The following ULK2 variants were observed in gnomAD, a reference collection of about 807,000 sequenced individuals.
ULK2 encodes serine/threonine-protein kinase ULK2.
ULK2 carries 76 observed loss-of-function variants against 127.5 expected under a neutral mutation model. The observed-to-expected ratio is 0.60, with a 90% CI of 0.50 to 0.72. ULK2 has a LOEUF of 0.72. ULK2 is among the 30% of genes least tolerant of loss of function. ULK2 has a pLI of 0.00. For missense variants in ULK2, 1,144 were observed against 1,295.9 expected, an observed-to-expected ratio of 0.88 and a Z score of 1.80; for synonymous variants, 452 against 461.9, an observed-to-expected ratio of 0.98 and a Z score of 0.28.
At chr17:19,795,765 A>G (rs2087255549) in intron 19 of ULK2, 40 bp from the exon 20 acceptor site, 2 of 1,563,284 alleles carry the variant, frequency 1.3e-6, no homozygotes, top group Non-Finnish European at 8.8e-7. Flanking sequence ...GGAAAAGTAT[A>G]CTTTTTAAAA....
chr17:19,865,670 G>A (rs1219584607), intron 2 of ULK2, 66 bp downstream of exon 2: 1 of 942,822 alleles, frequency 1.1e-6, no homozygotes, highest in Non-Finnish European at 1.5e-6. Flanking sequence ...TGAAAAGGAT[G>A]GCAGCATGTA....
At chr17:19,861,445 T>C (rs2042240610) in intron 3 of ULK2, among the ~76,000 whole-genome samples, 1 of 151,920 alleles carries the variant, frequency 6.6e-6, no homozygotes, top group South Asian at 2.1e-4. Flanking sequence ...CTCTGGAGGC[T>C]GAGGCAGGAG....
chr17:19,814,436 A>ATTTTTTTTTTTTTT (rs1567696524), intron 13 of ULK2, among the ~76,000 whole-genome samples: 2 of 24,074 alleles, frequency 8.3e-5, no homozygotes, highest in Admixed American at 5.7e-4. Context: ...ATATATATAT[A>ATTTTTTTTTTTTTT]TATTTTTTTT....
chr17:19,828,130 A>G (rs1420985649), intron 10 of ULK2, among the ~76,000 whole-genome samples: 1 of 152,214 alleles, frequency 6.6e-6, no homozygotes, highest in African/African-American at 2.4e-5. Context: ...CTGAAAGAAA[A>G]AAAAGTTAAC....
chr17:19,849,649 A>G, intron 4 of ULK2, 93 bp downstream of exon 4: 1 of 986,196 alleles, frequency 1.0e-6, no homozygotes, highest in Non-Finnish European at 1.5e-6. Context: ...TATTAATCAA[A>G]AAGGATTTGA....
chr17:19,814,821 C>T (rs1567697000), intron 13 of ULK2, among the ~76,000 whole-genome samples: 1 of 152,108 alleles, frequency 6.6e-6, no homozygotes, highest in Non-Finnish European at 1.5e-5. Flanking sequence ...ACTGGGATTA[C>T]AGGTTGTGAA....
intron 25 of ULK2, among the ~76,000 whole-genome samples, chr17:19,778,893 G>T (rs205097): frequency 2.6e-5 from 4 of 152,146 alleles, no homozygotes; most frequent in East Asian, 1.9e-4. Context: ...TAAGCAGCCA[G>T]GACGAACGGA....
Position 19,799,564 on chromosome 17 carries a change from G to C in ULK2, c.1453C>G (p.Pro485Ala), listed in dbSNP as rs543809400. The change falls in exon 17 of 27, where the codon CCT (proline) becomes GCT (alanine). Residue 485 changes from proline (P) to alanine (A), a missense_variant. Coordinates refer to ENST00000395544, the MANE Select transcript of ULK2 (RefSeq NM_014683.4). ...CAGCAGCACTGACTGAATTGCTCAG[G>C]AATGGTACCAACTACAAAAAAAAAA... is the stretch of plus-strand genomic sequence containing the variant. ...YSPSPLVGTI[P>A]EQFSQCCCGH... 2.8e-6 allele frequency: 4 copies of C among 1,426,634 alleles called. No homozygotes were observed. In the South Asian group the frequency reaches 5.4e-5, roughly 19 times the overall value. 88.4% of individuals were successfully genotyped at this position (1,426,634 alleles called of 1,614,324 possible).
At chr17:19,829,642 C>A (rs2041387348) in intron 10 of ULK2, among the ~76,000 whole-genome samples, 1 of 148,152 alleles carries the variant, frequency 6.7e-6, no homozygotes, top group Non-Finnish European at 1.5e-5. Flanking sequence ...TTGAGACCAG[C>A]CTGACCAACA....
At chr17:19,793,794 C>A (rs1310773225) in intron 20 of ULK2, among the ~76,000 whole-genome samples, 3 of 152,172 alleles carry the variant, frequency 2.0e-5, no homozygotes. Context: ...CAAAGTACAT[C>A]ATACCCAGCC....
chr17:19,856,928 G>A (rs1483848479), intron 3 of ULK2, among the ~76,000 whole-genome samples: 1 of 119,958 alleles, frequency 8.3e-6, no homozygotes, highest in Non-Finnish European at 1.6e-5. Context: ...AGTGAGCCGA[G>A]ATCGCACCAC....
chr17:19,813,284 CCAT>C (rs1438517769), intron 13 of ULK2, among the ~76,000 whole-genome samples: 2 of 152,082 alleles, frequency 1.3e-5, no homozygotes, highest in African/African-American at 4.8e-5. Context: ...TTCAAATTCT[CCAT>C]CATCAAGAAG....
At chr17:19,803,774 T>C (rs934175492) in intron 15 of ULK2, among the ~76,000 whole-genome samples, 6 of 152,200 alleles carry the variant, frequency 3.9e-5, no homozygotes, top group African/African-American at 1.4e-4. Context: ...TTTGGTATCG[T>C]AACAGTTAAC....
chr17:19,779,510 C>T (rs1278017026), intron 25 of ULK2, among the ~76,000 whole-genome samples: 6 of 115,774 alleles, frequency 5.2e-5, no homozygotes, highest in East Asian at 2.4e-4. Context: ...TCAGCCTGGA[C>T]GACAGAACAA....
chr17:19,859,828 C>T (rs1017942804), intron 3 of ULK2, among the ~76,000 whole-genome samples: 22 of 152,166 alleles, frequency 1.4e-4, no homozygotes, highest in African/African-American at 4.1e-4. Context: ...CACAGGTATG[C>T]GCCACCACAT....
intron 8 of ULK2, among the ~76,000 whole-genome samples, chr17:19,842,190 CTTTTTTTTTTTTTTTT>C (rs869294657): frequency 1.1e-5 from 1 of 88,396 alleles, no homozygotes; most frequent in African/African-American, 4.3e-5. Context: ...TTTTCTTTTT[CTTTTTTTTTTTTTTTT>C]TTTTTTTTGA....
rs146758486 is a variant in ULK2, at chr17:19,781,025, T to C, written c.2719A>G (p.Lys907Glu). Residue 907 changes from lysine to glutamate, a missense_variant, in exon 24 of 27, where the codon AAG (lysine) becomes GAG (glutamate). Around this residue, in one of 2 missense-constraint regions of ULK2, gnomAD observed 913 missense variants for 970.5 expected, o/e 0.94. Transcript: ENST00000395544. ...ASLHLAKAQI[K>E]SGKLSPSTAV... The stretch of plus-strand genomic sequence containing the variant: ...GTGGATGGGCTCAGTTTCCCGGACT[T>C]GATCTGGGCTTTGGCAAGATGCAGA... 1,368 of 1,614,040 alleles carry C rather than the reference T, an allele frequency of 8.5e-4. 2 individuals carry two copies. Among genetic ancestry groups the C allele is most frequent in the Non-Finnish European group, 9.9e-4 (1,163 of 1,180,012 alleles).
rs71157835 is a variant in ULK2 at position 19,818,797 on chromosome 17, C to CT, written c.925-1878dup. The stretch of plus-strand genomic sequence containing the variant: ...CTCTTCTTCATTTCTTTTCTTTTTT[C>CT]TTTTTTTTTTTTTTTTTTTTTGAGA... On this transcript the variant is annotated intron_variant, in intron 12 of 26. Coordinates refer to ENST00000395544, the MANE Select transcript of ULK2 (RefSeq NM_014683.4). Among the ~76,000 whole-genome samples, 697 of 77,706 alleles carry CT rather than the reference C, an allele frequency of 9.0e-3. 15 individuals are homozygous for CT. Among genetic ancestry groups the CT allele is most frequent in the African/African-American group, 0.026 (549 of 21,278 alleles). 51.0% of individuals were successfully genotyped at this position (77,706 alleles called of 152,430 possible).
Position 19,791,700 on chromosome 17 carries a change from T to C in ULK2, c.2101+3922A>G, listed in dbSNP as rs899986859. On this transcript the variant is annotated intron_variant, in intron 20 of 26. Transcript: ENST00000395544. ...ACTCTGTCTAAAAAGAAGAAAAAAATTATAAAAATTAGCCAGGCATGGTGG... is the reference window on the plus strand; with the variant it reads ...ACTCTGTCTAAAAAGAAGAAAAAAACTATAAAAATTAGCCAGGCATGGTGG... Among the ~76,000 whole-genome samples the C allele has an allele frequency of 3.3e-5, 5 of 150,512 alleles. No homozygotes were observed. The East Asian group carries it at 7.8e-4, about 24-fold the overall frequency.
Sources: gnomAD v4.1 joint callset for allele counts (sites outside exome capture counted in the v4.1 genomes callset) on GRCh38, gnomAD v4.1.1 for gene constraint, gnomAD v4.1.1 regional missense constraint, MANE v1.5 for transcripts, NCBI Gene and HGNC (gene_info 2026-07-23, HGNC 2026-07-21) for gene names.